The following OR5K1 variants were observed in gnomAD, a reference collection of about 807,000 sequenced individuals.
OR5K1 encodes olfactory receptor 5K1.
Under a neutral mutation model 10.4 loss-of-function variants are expected in OR5K1, and 7 were observed. The ratio of observed to expected loss-of-function variants is 0.67; its 90% CI spans 0.38 to 1.26. The LOEUF (loss-of-function observed/expected upper bound fraction) is 1.26. Among genes scored for constraint, OR5K1 ranks in the 50% most tolerant of loss-of-function variants. The pLI is 0.02. For missense variants in OR5K1, 435 were observed against 366.2 expected (o/e 1.19, Z -1.53); for synonymous variants, 135 against 128.5 (o/e 1.05, Z -0.34).
rs184813728 is a variant in OR5K1 at position 98,470,280 on chromosome 3, C to A, written c.704C>A (p.Ala235Asp). The change falls in exon 2 of 2, where the codon GCC becomes GAC. Residue 235 changes from alanine (A) to aspartate (D), a missense_variant. Transcript: ENST00000642057. Reference protein sequence around the residue: ...IFKMKSKEGRAKAFSTCASHF... With the variant: ...IFKMKSKEGRDKAFSTCASHF... Reference sequence around the variant, plus strand: ...AAAATGAAATCCAAAGAGGGAAGGGCCAAAGCTTTTTCTACCTGTGCATCC... The same window carrying A: ...AAAATGAAATCCAAAGAGGGAAGGGACAAAGCTTTTTCTACCTGTGCATCC... The A allele has an allele frequency of 6.2e-7, 1 of 1,613,220 alleles. No homozygotes were observed.
At chr3:98,469,272 G>A (rs1705412005) in intron 1 of OR5K1, among the ~76,000 whole-genome samples, 1 of 152,050 alleles carries the variant, frequency 6.6e-6, no homozygotes. Flanking sequence ...ACAGACAGTG[G>A]GGCCTACTTG....
intron 1 of OR5K1, among the ~76,000 whole-genome samples, chr3:98,465,800 G>A (rs965722237): frequency 2.0e-5 from 3 of 151,888 alleles, no homozygotes; most frequent in African/African-American, 7.2e-5. Context: ...CACAACTAGA[G>A]AAACAATATC....
intron 1 of OR5K1, among the ~76,000 whole-genome samples, chr3:98,465,565 C>T (rs1180190672): frequency 6.6e-6 from 1 of 151,998 alleles, no homozygotes; most frequent in Non-Finnish European, 1.5e-5. Flanking sequence ...CCAGTAATTG[C>T]ACAAATTTTA....
rs775887960 is a variant in OR5K1 at position 98,470,420 on chromosome 3, G to T, written c.844G>T (p.Val282Phe). ...AGCTGCAATTTTATTTACAATAGTAGTTCCCTTACTAAATCCTTTCATTTA... is the reference window on the plus strand; with the variant it reads ...AGCTGCAATTTTATTTACAATAGTATTTCCCTTACTAAATCCTTTCATTTA... Reference protein sequence around the residue: ...IPAAILFTIVVPLLNPFIYSL... With the variant: ...IPAAILFTIVFPLLNPFIYSL... The change falls in exon 2 of 2, where the codon GTT (valine) becomes TTT (phenylalanine). Residue 282 changes from valine (V) to phenylalanine (F), a missense_variant. Val to Phe is a conservative substitution (Grantham distance 50, BLOSUM62 -1). Transcript: ENST00000642057. 2 of 1,605,920 alleles carry T rather than the reference G, an allele frequency of 1.2e-6. No individual in the cohort carries two copies. Among genetic ancestry groups the T allele is most frequent in the Non-Finnish European group, 1.7e-6 (2 of 1,173,288 alleles).
At chr3:98,464,652 A>G (rs1471302112) in intron 1 of OR5K1, among the ~76,000 whole-genome samples, 1 of 152,204 alleles carries the variant, frequency 6.6e-6, no homozygotes, top group South Asian at 2.1e-4. Flanking sequence ...AAATATCCCA[A>G]AATTTTAATA....
intron 1 of OR5K1, among the ~76,000 whole-genome samples, chr3:98,464,009 C>G (rs548657923): frequency 1.3e-5 from 2 of 152,242 alleles, no homozygotes; most frequent in South Asian, 2.1e-4. Flanking sequence ...AATCTCAGCA[C>G]TTTGGGAGGC....
chr3:98,465,713 T>G (rs1011696367), intron 1 of OR5K1, among the ~76,000 whole-genome samples: 4 of 151,956 alleles, frequency 2.6e-5, no homozygotes, highest in Non-Finnish European at 5.9e-5. Context: ...TTGTAAAAAA[T>G]TATATTTCCT....
intron 1 of OR5K1, among the ~76,000 whole-genome samples, chr3:98,468,091 A>G (rs80051293): frequency 0.012 from 1,830 of 152,172 alleles, 32 homozygotes; most frequent in African/African-American, 0.042. Flanking sequence ...TTGTATTATA[A>G]ATAACCTGGA....
At chr3:98,464,453 A>T (rs1310543872) in intron 1 of OR5K1, among the ~76,000 whole-genome samples, 1 of 152,176 alleles carries the variant, frequency 6.6e-6, no homozygotes, top group Non-Finnish European at 1.5e-5. Context: ...AGAAATATCT[A>T]GGAGGGTCAG....
rs755166114 is a variant in OR5K1, at chr3:98,470,249, A to G, written c.673A>G (p.Ile225Val). The change falls in exon 2 of 2, where the codon ATT becomes GTT. Residue 225 changes from isoleucine to valine, a missense_variant. Ile to Val is a conservative substitution (Grantham distance 29). Transcript: ENST00000642057. ...LISYLYILLT[I>V]FKMKSKEGRA... ...ATCTTATCTCTATATTCTTCTTACTATTTTCAAAATGAAATCCAAAGAGGG... is the reference window on the plus strand; with the variant it reads ...ATCTTATCTCTATATTCTTCTTACTGTTTTCAAAATGAAATCCAAAGAGGG... 5.6e-6 allele frequency: 9 copies of G among 1,613,004 alleles called. No individual in the cohort carries two copies. Among genetic ancestry groups the G allele is most frequent in the Non-Finnish European group, 7.6e-6 (9 of 1,179,498 alleles).
intron 1 of OR5K1, chr3:98,469,365 A>C: frequency 1.7e-6 from 1 of 583,956 alleles, no homozygotes; most frequent in Non-Finnish European, 3.0e-6. Context: ...TTTAAAAGGT[A>C]CTGAAAATAT....
At chr3:98,464,277 T>A (rs142061395) in intron 1 of OR5K1, among the ~76,000 whole-genome samples, 474 of 152,142 alleles carry the variant, frequency 3.1e-3, no homozygotes, top group African/African-American at 0.011. Context: ...TTTAAAAAAA[T>A]ATATATATAC....
intron 1 of OR5K1, among the ~76,000 whole-genome samples, chr3:98,469,261 G>A (rs1229668746): frequency 1.3e-5 from 2 of 152,056 alleles, no homozygotes; most frequent in African/African-American, 2.4e-5. Flanking sequence ...AGAATGGAAC[G>A]ACAGACAGTG....
At chr3:98,467,967 C>T (rs1240955245) in intron 1 of OR5K1, among the ~76,000 whole-genome samples, 2 of 151,934 alleles carry the variant, frequency 1.3e-5, no homozygotes, top group Admixed American at 6.6e-5. Flanking sequence ...GAGGGCATCC[C>T]TATCTTGTGC....
In OR5K1 at chr3:98,469,907, G is replaced by C. The variant is rs1705421641; in HGVS notation, c.331G>C (p.Asp111His). The C allele has an allele frequency of 6.2e-7, 1 of 1,613,718 alleles. No homozygotes were observed. Among genetic ancestry groups the C allele is most frequent in the Non-Finnish European group, 8.5e-7 (1 of 1,179,792 alleles). The change falls in exon 2 of 2, where the codon GAC becomes CAC. Residue 111 changes from aspartate (D) to histidine (H), a missense_variant. Asp to His is a moderately conservative substitution (Grantham distance 81). Coordinates refer to ENST00000642057, the MANE Select transcript of OR5K1 (RefSeq NM_001004736.4). Reference sequence around the variant, plus strand: ...TTTTCTTTGCACTGTGGAAACTGCAGACTGCTTTCTTCTGGCAGCAATGGC... The same window carrying C: ...TTTTCTTTGCACTGTGGAAACTGCACACTGCTTTCTTCTGGCAGCAATGGC... ...FYFLCTVETA[D>H]CFLLAAMAYD...
chr3:98,469,606 T>C lies in OR5K1; in HGVS notation c.30T>C (p.Asn10=). ...CTGAAGAAAATCATACCATGAAAAA[T>C]GAGTTTATCCTCACAGGATTTACAG... MAEENHTMK[N]EFILTGFTDH... The change falls in exon 2 of 2, where the codon AAT becomes AAC. Residue 10 remains asparagine, a synonymous_variant. Transcript: ENST00000642057. 3 of 1,608,644 alleles carry C rather than the reference T, an allele frequency of 1.9e-6. No individual in the cohort carries two copies. The highest frequency in any genetic ancestry group is 2.5e-6 in the Non-Finnish European group (3 of 1,176,994).
intron 1 of OR5K1, among the ~76,000 whole-genome samples, chr3:98,465,919 T>C (rs1705368955): frequency 2.0e-5 from 3 of 151,976 alleles, no homozygotes; most frequent in Admixed American, 2.0e-4. Context: ...TTATTATACT[T>C]TAAGTTTTAG....
chr3:98,470,698 A>T lies in OR5K1; in HGVS notation c.*195A>T. 2.7e-6 allele frequency: 1 copy of T among 366,082 alleles called. No homozygotes were observed. The highest frequency in any genetic ancestry group is 4.3e-5 in the Admixed American group (1 of 23,138). The allele number at this position is 366,082 out of a possible 1,614,324, so 22.7% of individuals were successfully genotyped here. A position where few individuals can be genotyped will look rare whatever the true frequency, so the allele number is the denominator to read the frequency against. ...AAAGAGTAAACTGTGGTAAATCTTA[A>T]TTCAAAATAACAAAAATGAAATTCT... is the stretch of plus-strand genomic sequence containing the variant. On this transcript the variant is annotated 3_prime_UTR_variant, in exon 2 of 2. Transcript: ENST00000642057.
chr3:98,463,879 C>T (rs528868471), intron 1 of OR5K1, among the ~76,000 whole-genome samples: 1 of 152,232 alleles, frequency 6.6e-6, no homozygotes, highest in Admixed American at 6.5e-5. Flanking sequence ...TATATAACTT[C>T]AAGCTGGCAA....
Sources: gnomAD v4.1 joint callset for allele counts (sites outside exome capture counted in the v4.1 genomes callset) on GRCh38, gnomAD v4.1.1 for gene constraint, MANE v1.5 for transcripts, NCBI Gene and HGNC (gene_info 2026-07-23, HGNC 2026-07-21) for gene names.